Variants in ZNF142 observed in about 807,000 individuals in gnomAD.
The protein encoded by ZNF142 is zinc finger protein 142, also known as zinc finger protein 142 (clone pHZ-49).
Under a neutral mutation model 132.1 loss-of-function variants are expected in ZNF142, and 96 were observed. The observed-to-expected ratio is 0.73, with a 90% CI of 0.62 to 0.86. The LOEUF is 0.86. ZNF142 is among the 40% of genes least tolerant of loss of function. ZNF142 has a pLI of 0.00. For missense variants in ZNF142, 2,163 were observed against 2,336.2 expected (o/e 0.93, Z 1.53); for synonymous variants, 842 against 890.1 (o/e 0.95, Z 0.96).
Position 218,634,454 on chromosome 2 carries a change from T to C in ZNF142, c.*3885A>G. ...TTGCTCTTCTTTTCTCCTGGGGCCCTCAGTGGCCATGAATATGCAGACTGC... is the reference window on the plus strand; with the variant it reads ...TTGCTCTTCTTTTCTCCTGGGGCCCCCAGTGGCCATGAATATGCAGACTGC... On this transcript the variant is annotated 3_prime_UTR_variant, in exon 11 of 11. Coordinates refer to ENST00000411696, the MANE Select transcript of ZNF142 (RefSeq NM_001379659.1). The surrounding 1 kb of genome is among the most constrained non-coding windows in gnomAD (Gnocchi z 4.0). 2 of 1,610,044 alleles carry C rather than the reference T, an allele frequency of 1.2e-6. No individual in the cohort carries two copies. The highest frequency in any genetic ancestry group is 1.7e-6 in the Non-Finnish European group (2 of 1,178,208).
chr2:218,643,195 A>G lies in ZNF142; in HGVS notation c.3921T>C (p.Pro1307=). The G allele has an allele frequency of 1.9e-6, 3 of 1,614,246 alleles. No individual in the cohort carries two copies. Among genetic ancestry groups the G allele is most frequent in the South Asian group, 2.2e-5 (2 of 91,084 alleles). Residue 1307 remains proline (P), a synonymous_variant, in exon 9 of 11, where the codon CCT becomes CCC. Coordinates refer to ENST00000411696, the MANE Select transcript of ZNF142 (RefSeq NM_001379659.1). ...CCTGCTGGCAGCTAAAGGGACATGT[A>G]GGGCAGGAGAAGCGAGCCCCCTTCT... ...QKQKGARFSC[P]TCPFSCQQER... is the part of the protein sequence containing the mutation.
chr2:218,638,701 C>T lies in ZNF142; in HGVS notation c.5302G>A (p.Glu1768Lys). The change falls in exon 11 of 11, where the codon GAG becomes AAG. Residue 1768 changes from glutamate to lysine, a missense_variant. Glu to Lys is a moderately conservative substitution (Grantham distance 56). Around this residue, in one of 7 missense-constraint regions of ZNF142, gnomAD observed 325 missense variants for 367.8 expected, o/e 0.88. Transcript: ENST00000411696. ...RHREARAFMC[E>K]QCGKAFKTRF... Reference sequence around the variant, plus strand: ...GTCTTGAAGGCCTTGCCACACTGCTCACACATGAAAGCCCGTGCTTCTCGA... The same window carrying T: ...GTCTTGAAGGCCTTGCCACACTGCTTACACATGAAAGCCCGTGCTTCTCGA... 6.2e-7 allele frequency: 1 copy of T among 1,614,186 alleles called. No individual in the cohort carries two copies. The highest frequency in any genetic ancestry group is 1.1e-5 in the South Asian group (1 of 91,088).
intron 8 of ZNF142, among the ~76,000 whole-genome samples, chr2:218,645,850 C>T (rs1697683381): frequency 6.6e-6 from 1 of 152,178 alleles, no homozygotes; most frequent in South Asian, 2.1e-4. Flanking sequence ...GCAACCTCCA[C>T]CCCCCGGCTC....
At chr2:218,653,348 T>C (rs1212392299) in intron 4 of ZNF142, among the ~76,000 whole-genome samples, 1 of 151,020 alleles carries the variant, frequency 6.6e-6, no homozygotes, top group Non-Finnish European at 1.5e-5. Flanking sequence ...AAGGACGAGG[T>C]GGGTGGATCA....
At position 218,642,732 on chromosome 2, in the gene ZNF142, A is replaced by G. The variant is rs1697333750; in HGVS notation, c.4384T>C (p.Cys1462Arg). 1.2e-6 allele frequency: 2 copies of G among 1,614,198 alleles called. No individual in the cohort carries two copies. Among genetic ancestry groups the G allele is most frequent in the Non-Finnish European group, 1.7e-6 (2 of 1,180,024 alleles). The change falls in exon 9 of 11, where the codon TGT becomes CGT. Residue 1462 changes from cysteine to arginine, a missense_variant. Cys to Arg is a radical substitution (Grantham distance 180, BLOSUM62 -3). Around this residue, in one of 7 missense-constraint regions of ZNF142, gnomAD observed 809 missense variants for 801.7 expected, o/e 1.01. Coordinates refer to ENST00000411696, the MANE Select transcript of ZNF142 (RefSeq NM_001379659.1). This position sits in a 1 kb window ranked among gnomAD's most constrained non-coding sequence, Gnocchi z 4.6. ...TGGCGAAGGTAGCCACTATAGTCAC[A>G]AAGTGGACAGAAGTGGGTAGGTGTT... is the stretch of plus-strand genomic sequence containing the variant. ...DKTPTHFCPLCDYSGYLRHDI... is the reference protein window; with the variant it reads ...DKTPTHFCPLRDYSGYLRHDI...
At position 218,634,152 on chromosome 2, in the gene ZNF142, C is replaced by A; in HGVS notation, c.*4187G>T. On this transcript the variant is annotated 3_prime_UTR_variant, in exon 11 of 11. Transcript: ENST00000411696. This position sits in a 1 kb window ranked among gnomAD's most constrained non-coding sequence, Gnocchi z 4.0. Reference sequence around the variant, plus strand: ...TACTTGGCAGTTAAGCCGTGTGTATCCCAGCGGCCTGAGGACAGACTCTTC... The same window carrying A: ...TACTTGGCAGTTAAGCCGTGTGTATACCAGCGGCCTGAGGACAGACTCTTC... 8 of 1,612,814 alleles carry A rather than the reference C, an allele frequency of 5.0e-6. No individual in the cohort carries two copies. Among genetic ancestry groups the A allele is most frequent in the Non-Finnish European group, 5.9e-6 (7 of 1,179,410 alleles).
chr2:218,645,610 A>G (rs1237712861), intron 8 of ZNF142, among the ~76,000 whole-genome samples: 1 of 152,188 alleles, frequency 6.6e-6, no homozygotes, highest in Admixed American at 6.5e-5. Flanking sequence ...GTGACACCTT[A>G]GTCTCTAGGC....
chr2:218,653,913 T>C (rs1247894419), intron 4 of ZNF142, among the ~76,000 whole-genome samples: 1 of 152,132 alleles, frequency 6.6e-6, no homozygotes, highest in African/African-American at 2.4e-5. Context: ...GCAGTGGTGG[T>C]GTGATCACAG....
At chr2:218,646,390 G>A (rs770785286) in intron 7 of ZNF142, 42 bp from the exon 8 acceptor site, 1 of 1,603,228 alleles carries the variant, frequency 6.2e-7, no homozygotes, top group South Asian at 1.1e-5. Flanking sequence ...ACACAGGTCA[G>A]ATACAGATCA....
rs945414190 is a variant in ZNF142, at chr2:218,652,316, C to T, written c.281-16G>A. 6.6e-6 allele frequency: 3 copies of T among 456,714 alleles called. No homozygotes were observed. The highest frequency in any genetic ancestry group is 1.5e-5 in the South Asian group (1 of 64,550). The allele number at this position is 456,714 out of a possible 1,614,324, so 28.3% of individuals were successfully genotyped here. ...ACCAGGACACCTGCAGGCAGAGGAC[C>T]GACAGAGAAAGGCATAGAATCAGAT... On this transcript the variant is annotated splice_polypyrimidine_tract_variant and intron_variant, in intron 4 of 10. Coordinates refer to ENST00000411696, the MANE Select transcript of ZNF142 (RefSeq NM_001379659.1).
At chr2:218,655,877 C>T (rs1190061697) in intron 4 of ZNF142, among the ~76,000 whole-genome samples, 1 of 152,060 alleles carries the variant, frequency 6.6e-6, no homozygotes, top group African/African-American at 2.4e-5. Flanking sequence ...CAGGATTGGG[C>T]GGAGGTGTCA....
chr2:218,642,576 G>C lies in ZNF142; in HGVS notation c.4540C>G (p.Gln1514Glu). ...HALRRHPEPA[Q>E]PAPGSPAETT... ...TCTGCAGGAGAGCCAGGGGCAGGCT[G>C]TGCAGGCTCGGGGTGTCGGCGCAGA... The change falls in exon 9 of 11, where the codon CAG becomes GAG. Residue 1514 changes from glutamine (Q) to glutamate (E), a missense_variant. Physicochemically the swap from Gln to Glu is conservative, Grantham distance 29. Coordinates refer to ENST00000411696, the MANE Select transcript of ZNF142 (RefSeq NM_001379659.1). This position sits in a 1 kb window ranked among gnomAD's most constrained non-coding sequence, Gnocchi z 4.6. The C allele has an allele frequency of 2.5e-6, 4 of 1,613,590 alleles. No individual in the cohort carries two copies. Among genetic ancestry groups the C allele is most frequent in the Non-Finnish European group, 3.4e-6 (4 of 1,179,854 alleles).
intron 10 of ZNF142, among the ~76,000 whole-genome samples, 165 bp from the exon 11 acceptor site, chr2:218,638,973 T>C (rs957315506): frequency 2.0e-5 from 3 of 152,206 alleles, no homozygotes; most frequent in East Asian, 1.9e-4. Flanking sequence ...ATTTCTTTTT[T>C]CTTTTATTTT....
rs1696856620 is a variant in ZNF142, at chr2:218,638,086, G to A, written c.*253C>T. On this transcript the variant is annotated 3_prime_UTR_variant, in exon 11 of 11. Coordinates refer to ENST00000411696, the MANE Select transcript of ZNF142 (RefSeq NM_001379659.1). ...AGCCAGGGACTTTGATGGAGTGATGGTGAAGAAACTGAGAACTTGCAGGTT... is the reference window on the plus strand; with the variant it reads ...AGCCAGGGACTTTGATGGAGTGATGATGAAGAAACTGAGAACTTGCAGGTT... 2 of 355,516 alleles carry A rather than the reference G, an allele frequency of 5.6e-6. No homozygotes were observed. Among genetic ancestry groups the A allele is most frequent in the South Asian group, 2.9e-4 (2 of 6,816 alleles). 22.0% of individuals were successfully genotyped at this position (355,516 alleles called of 1,614,324 possible). A position where few individuals can be genotyped will look rare whatever the true frequency, so the allele number is the denominator to read the frequency against.
Position 218,646,264 on chromosome 2 carries a change from T to C in ZNF142, c.1958A>G (p.Asn653Ser), listed in dbSNP as rs1385859913. 1.2e-6 allele frequency: 2 copies of C among 1,614,192 alleles called. No homozygotes were observed. The highest frequency in any genetic ancestry group is 1.7e-6 in the Non-Finnish European group (2 of 1,180,026). ...TTCAGTGCACATGTAATCCTTGGTG[T>C]TGGAGTGGGTCAGCATGTGCTTGGA... ...YLSKHMLTHS[N>S]TKDYMCTECG... Residue 653 changes from asparagine (N) to serine (S), a missense_variant, in exon 8 of 11, where the codon AAC becomes AGC. By Grantham distance (46) the Asn-to-Ser change is conservative (BLOSUM62 1). Transcript: ENST00000411696.
At chr2:218,652,412 G>A (rs1342780908) in intron 4 of ZNF142, 112 bp from the exon 5 acceptor site, 3 of 413,944 alleles carry the variant, frequency 7.2e-6, no homozygotes, top group Non-Finnish European at 1.5e-5. Context: ...GTAGAGTACA[G>A]ATGGACTTTA....
chr2:218,641,171 T>G (rs1186651307), intron 9 of ZNF142, among the ~76,000 whole-genome samples: 1 of 152,048 alleles, frequency 6.6e-6, no homozygotes, highest in Non-Finnish European at 1.5e-5. Context: ...ACTCCTGGGA[T>G]CAAGCAATCC....
Position 218,644,083 on chromosome 2 carries a change from G to T in ZNF142, c.3033C>A (p.Asp1011Glu). 6.2e-7 allele frequency: 1 copy of T among 1,614,026 alleles called. No homozygotes were observed. Among genetic ancestry groups the T allele is most frequent in the East Asian group, 2.2e-5 (1 of 44,860 alleles). Residue 1011 changes from aspartate to glutamate, a missense_variant, in exon 9 of 11, where the codon GAC becomes GAA. Around this residue, in one of 7 missense-constraint regions of ZNF142, gnomAD observed 809 missense variants for 801.7 expected, o/e 1.01. Coordinates refer to ENST00000411696, the MANE Select transcript of ZNF142 (RefSeq NM_001379659.1). This position sits in a 1 kb window ranked among gnomAD's most constrained non-coding sequence, Gnocchi z 4.6. Reference protein sequence around the residue: ...ESLLKALRRQDKEQAEALVLE... With the variant: ...ESLLKALRRQEKEQAEALVLE... ...GCACCAATGCCTCTGCTTGTTCTTTGTCCTGTCTCCTTAGGGCCTTGAGTA... is the reference window on the plus strand; with the variant it reads ...GCACCAATGCCTCTGCTTGTTCTTTTTCCTGTCTCCTTAGGGCCTTGAGTA...
chr2:218,644,851 G>C lies in ZNF142; in HGVS notation c.2265C>G (p.His755Gln), dbSNP rs1188235616. Reference sequence around the variant, plus strand: ...TCTCATGGCTCAGCACAGCCTGCTTGTGGCGGCTCTGGTAACTGCAGTAGT... The same window carrying C: ...TCTCATGGCTCAGCACAGCCTGCTTCTGGCGGCTCTGGTAACTGCAGTAGT... Reference protein sequence around the residue: ...PCHYCSYQSRHKQAVLSHENC... With the variant: ...PCHYCSYQSRQKQAVLSHENC... The change falls in exon 9 of 11, where the codon CAC becomes CAG. Residue 755 changes from histidine (H) to glutamine (Q), a missense_variant. Transcript: ENST00000411696. This position sits in a 1 kb window ranked among gnomAD's most constrained non-coding sequence, Gnocchi z 4.6. 3 of 1,614,128 alleles carry C rather than the reference G, an allele frequency of 1.9e-6. No homozygotes were observed. In the African/African-American group the frequency reaches 4.0e-5, roughly 22 times the overall value.
Sources: allele counts gnomAD v4.1 joint callset (sites outside exome capture counted in the v4.1 genomes callset), GRCh38; gene constraint gnomAD v4.1.1; regional missense constraint gnomAD v4.1.1; non-coding constraint Gnocchi (gnomAD v3.1); transcripts MANE v1.5; gene names NCBI Gene and HGNC (gene_info 2026-07-23, HGNC 2026-07-21).